Variants in KYNU observed in about 807,000 individuals in gnomAD.
The protein encoded by KYNU is L-kynurenine hydrolase.
KYNU carries 54 observed loss-of-function variants against 59.2 expected under a neutral mutation model. That is an observed-to-expected ratio of 0.91 (90% confidence interval 0.73 to 1.14). The LOEUF is 1.14. Among genes scored for constraint, KYNU ranks in the 50% most tolerant of loss-of-function variants. The probability of loss-of-function intolerance (pLI) is 0.00; values close to 1 mark genes in which losing one functional copy is unlikely to be tolerated. For missense variants in KYNU, 567 were observed against 554.4 expected, an observed-to-expected ratio of 1.02 and a Z score of -0.23; for synonymous variants, 177 against 192.0, an observed-to-expected ratio of 0.92 and a Z score of 0.65.
chr2:142,961,686 AT>A (rs1684355885), intron 8 of KYNU, among the ~76,000 whole-genome samples: 1 of 152,062 alleles, frequency 6.6e-6, no homozygotes, highest in Admixed American at 6.6e-5. Context: ...TCACAGTTAA[AT>A]TGTTTTGAAG....
chr2:142,938,994 G>C (rs1217508759), intron 4 of KYNU, among the ~76,000 whole-genome samples: 2 of 151,846 alleles, frequency 1.3e-5, no homozygotes, highest in Non-Finnish European at 2.9e-5. Context: ...AAATAAATAA[G>C]AGAAGAAAGA....
At chr2:142,952,146 C>T (rs1478712164) in intron 4 of KYNU, among the ~76,000 whole-genome samples, 1 of 152,018 alleles carries the variant, frequency 6.6e-6, no homozygotes, top group African/African-American at 2.4e-5. Context: ...GCACTGCTAC[C>T]TCTCCTGACC....
chr2:143,017,899 A>G (rs187726036), intron 10 of KYNU, among the ~76,000 whole-genome samples: 4 of 151,870 alleles, frequency 2.6e-5, no homozygotes, highest in East Asian at 1.9e-4. Context: ...TATTTTGCCC[A>G]TATTTTAGTG....
At chr2:142,988,010 T>C (rs1685270776) in intron 10 of KYNU, among the ~76,000 whole-genome samples, 2 of 151,966 alleles carry the variant, frequency 1.3e-5, no homozygotes, top group South Asian at 4.1e-4. Flanking sequence ...CCAGTCATGC[T>C]TCCTGCACAG....
chr2:143,012,064 A>T (rs1020364744), intron 10 of KYNU, among the ~76,000 whole-genome samples: 2 of 70,846 alleles, frequency 2.8e-5, no homozygotes, highest in Admixed American at 1.3e-4. Context: ...AAAGTATAAT[A>T]AAAAAAAAAA....
At chr2:143,001,141 TG>T (rs1377137881) in intron 10 of KYNU, among the ~76,000 whole-genome samples, 2 of 152,148 alleles carry the variant, frequency 1.3e-5, no homozygotes, top group Non-Finnish European at 2.9e-5. Context: ...TACTTCTTGG[TG>T]TGGAGTCACA....
intron 8 of KYNU, among the ~76,000 whole-genome samples, chr2:142,969,304 A>T (rs1307081304): frequency 1.3e-5 from 2 of 152,174 alleles, no homozygotes; most frequent in East Asian, 3.8e-4. Flanking sequence ...CTTATGAAAA[A>T]TGTTGATTAA....
intron 13 of KYNU, 101 bp from the exon 14 acceptor site, chr2:143,041,946 G>T: frequency 8.1e-7 from 1 of 1,236,306 alleles, no homozygotes; most frequent in Admixed American, 1.9e-5. Context: ...TAATTTTTAG[G>T]GAAATCATTA....
rs751013713 is a variant in KYNU at position 142,985,090 on chromosome 2, T to C, written c.736T>C (p.Tyr246His). 3.8e-5 allele frequency: 61 copies of C among 1,597,350 alleles called. No individual in the cohort carries two copies. In the South Asian group the frequency reaches 6.3e-4, roughly 16 times the overall value. The change falls in exon 9 of 14, where the codon TAT becomes CAT. Residue 246 changes from tyrosine (Y) to histidine (H), a missense_variant. Coordinates refer to ENST00000264170, the MANE Select transcript of KYNU (RefSeq NM_003937.3). ...TTATTGTGTTCTTCCCTAGGGTTGT[T>C]ATGTTGGCTTTGATCTAGCACATGC... is the stretch of plus-strand genomic sequence containing the variant. ...ITKAGQAKGCYVGFDLAHAVG... is the reference protein window; with the variant it reads ...ITKAGQAKGCHVGFDLAHAVG...
At chr2:142,899,539 C>T (rs1038243026) in intron 2 of KYNU, among the ~76,000 whole-genome samples, 8 of 152,066 alleles carry the variant, frequency 5.3e-5, no homozygotes, top group Non-Finnish European at 1.0e-4. Flanking sequence ...GGAAGTTGGC[C>T]GAACAACGCT....
chr2:142,951,816 TG>T (rs1201130257), intron 4 of KYNU, among the ~76,000 whole-genome samples: 2 of 152,240 alleles, frequency 1.3e-5, no homozygotes, highest in Non-Finnish European at 2.9e-5. Flanking sequence ...TGTACAATAA[TG>T]TTTGTATATG....
chr2:143,048,943 C>A lies in KYNU; in HGVS notation c.*6771C>A, dbSNP rs1203645515. ...ACCATTGCTCTTAAGGGCTCTTTGT[C>A]TTTAATGATCCGCATTTTTATTATG... On this transcript the variant is annotated 3_prime_UTR_variant, in exon 14 of 14. Transcript: ENST00000264170. 6.6e-6 allele frequency: 1 copy of A among 152,106 alleles called. No homozygotes were observed. The highest frequency in any genetic ancestry group is 1.9e-4 in the East Asian group (1 of 5,196). 9.4% of individuals were successfully genotyped at this position (152,106 alleles called of 1,614,324 possible). A position where few individuals can be genotyped will look rare whatever the true frequency, so the allele number is the denominator to read the frequency against.
chr2:143,040,618 A>G lies in KYNU; in HGVS notation c.1232A>G (p.Asn411Ser). 1 of 1,608,894 alleles carries G rather than the reference A, an allele frequency of 6.2e-7. No individual in the cohort carries two copies. Among genetic ancestry groups the G allele is most frequent in the Non-Finnish European group, 8.5e-7 (1 of 1,177,172 alleles). ...CQLTITFSVP[N>S]KDVFQELEKR... The stretch of plus-strand genomic sequence containing the variant: ...CTAACAATAACATTTTCTGTTCCAA[A>G]CAAAGATGTTTTCCAAGAACTAGAA... The change falls in exon 13 of 14, where the codon AAC (asparagine) becomes AGC (serine). Residue 411 changes from asparagine (N) to serine (S), a missense_variant. Asn to Ser is a conservative substitution (Grantham distance 46, BLOSUM62 1). Transcript: ENST00000264170.
At chr2:142,986,092 C>T in intron 10 of KYNU, 71 bp downstream of exon 10, 1 of 1,046,644 alleles carries the variant, frequency 9.6e-7, no homozygotes, top group Admixed American at 1.7e-5. Context: ...GTTAAATTTA[C>T]ATGAGTTCCT....
chr2:142,943,863 A>G (rs922005058), intron 4 of KYNU, among the ~76,000 whole-genome samples: 5 of 152,218 alleles, frequency 3.3e-5, no homozygotes, highest in African/African-American at 1.2e-4. Context: ...CCTAATTACA[A>G]ACCTTACAGC....
intron 4 of KYNU, among the ~76,000 whole-genome samples, chr2:142,953,565 A>G (rs1010679019): frequency 3.9e-5 from 6 of 152,244 alleles, no homozygotes; most frequent in African/African-American, 1.4e-4. Context: ...ACTATATGCA[A>G]CATAAGCTTA....
intron 2 of KYNU, among the ~76,000 whole-genome samples, chr2:142,895,114 A>G (rs1271293639): frequency 2.0e-5 from 3 of 152,206 alleles, no homozygotes; most frequent in Non-Finnish European, 4.4e-5. Flanking sequence ...GTTCATCAGG[A>G]GAGTTTATTA....
At chr2:142,935,526 G>A (rs1037408441) in intron 4 of KYNU, among the ~76,000 whole-genome samples, 1 of 152,178 alleles carries the variant, frequency 6.6e-6, no homozygotes, top group Non-Finnish European at 1.5e-5. Context: ...TGGGGTGAGG[G>A]TGGAAGAGAA....
chr2:143,022,044 TA>T (rs1573907827), intron 10 of KYNU, among the ~76,000 whole-genome samples: 2 of 152,090 alleles, frequency 1.3e-5, no homozygotes, highest in African/African-American at 2.4e-5. Flanking sequence ...TTATATCAAA[TA>T]AAAAAATTAT....
Sources: allele counts gnomAD v4.1 joint callset (sites outside exome capture counted in the v4.1 genomes callset), GRCh38; gene constraint gnomAD v4.1.1; transcripts MANE v1.5; gene names NCBI Gene and HGNC (gene_info 2026-07-23, HGNC 2026-07-21).